TTLL9: variants seen among roughly 807,000 people sequenced by gnomAD.
The protein encoded by TTLL9 is tubulin tyrosine ligase like 9.
Under a neutral mutation model 65.6 loss-of-function variants are expected in TTLL9, and 47 were observed. The ratio of observed to expected loss-of-function variants is 0.72; its 90% CI spans 0.57 to 0.91. The LOEUF (loss-of-function observed/expected upper bound fraction) is 0.91, where lower values mean the gene tolerates loss of function less well. TTLL9 is among the 40% of genes least tolerant of loss of function. The probability of loss-of-function intolerance (pLI) is 0.00; values close to 1 mark genes in which losing one functional copy is unlikely to be tolerated. For missense variants in TTLL9, 537 were observed against 568.8 expected (o/e 0.94, Z 0.57); for synonymous variants, 179 against 204.8 (o/e 0.87, Z 1.07).
Position 31,922,981 on chromosome 20 carries a change from G to A in TTLL9, c.592G>A (p.Asp198Asn), listed in dbSNP as rs376428616. The A allele has an allele frequency of 5.8e-5, 94 of 1,613,732 alleles. No individual in the cohort carries two copies. Among genetic ancestry groups the A allele is most frequent in the Middle Eastern group, 1.7e-4 (1 of 6,058 alleles). Reference protein sequence around the residue: ...DWRKDTRSSDDQKDDIPVENY... With the variant: ...DWRKDTRSSDNQKDDIPVENY... ...CAACTAGGACACAAGAAGCTCTGAC[G>A]ACCAGAAAGATGATATTCCCGTGGA... Residue 198 changes from aspartate (D) to asparagine (N), a missense_variant, in exon 8 of 15, where the codon GAC (aspartate) becomes AAC (asparagine). Asp to Asn is a conservative substitution (Grantham distance 23). Around this residue, in one of 3 missense-constraint regions of TTLL9, gnomAD observed 320 missense variants for 311.0 expected, o/e 1.03. Coordinates refer to ENST00000535842, the MANE Select transcript of TTLL9 (RefSeq NM_001008409.5).
intron 10 of TTLL9, among the ~76,000 whole-genome samples, chr20:31,927,953 C>T (rs2063936944): frequency 6.6e-6 from 1 of 152,090 alleles, no homozygotes; most frequent in Admixed American, 6.5e-5. Context: ...TTCTATTTTG[C>T]CAACGTCAGC....
At chr20:31,877,062 GAGGGTGGGGTT>G (rs2063047145) in intron 2 of TTLL9, among the ~76,000 whole-genome samples, 1 of 152,190 alleles carries the variant, frequency 6.6e-6, no homozygotes, top group Non-Finnish European at 1.5e-5. Context: ...TTGTAGGGGT[GAGGGTGGGGTT>G]ATCTTTTCCT....
intron 6 of TTLL9, among the ~76,000 whole-genome samples, chr20:31,913,383 GGA>G (rs2063685810): frequency 6.6e-6 from 1 of 152,160 alleles, no homozygotes; most frequent in Admixed American, 6.5e-5. Flanking sequence ...CCTTTCAGGA[GGA>G]GAGAGTGTTA....
At chr20:31,886,653 C>G (rs1013985552) in intron 2 of TTLL9, among the ~76,000 whole-genome samples, 2 of 152,166 alleles carry the variant, frequency 1.3e-5, no homozygotes, top group South Asian at 4.1e-4. Flanking sequence ...AACCCCATCT[C>G]TATTAAAAAT....
At chr20:31,941,853 G>T (rs2064216379) in intron 14 of TTLL9, among the ~76,000 whole-genome samples, 1 of 152,182 alleles carries the variant, frequency 6.6e-6, no homozygotes, top group Non-Finnish European at 1.5e-5. Flanking sequence ...GGTTTATGGT[G>T]GTAAACACAA....
chr20:31,940,496 C>G (rs1396042408), intron 14 of TTLL9: 1 of 152,176 alleles, frequency 6.6e-6, no homozygotes, highest in East Asian at 1.9e-4. Context: ...AGGGTGGGGC[C>G]TAAGATTGTA....
intron 4 of TTLL9, among the ~76,000 whole-genome samples, chr20:31,906,183 C>T (rs1005701616): frequency 2.6e-5 from 4 of 152,214 alleles, no homozygotes; most frequent in Admixed American, 1.3e-4. Context: ...GCATTAGGCG[C>T]GGGGCTCCTG....
chr20:31,879,938 A>G, intron 2 of TTLL9: 1 of 1,393,216 alleles, frequency 7.2e-7, no homozygotes, highest in Non-Finnish European at 9.6e-7. Flanking sequence ...TCGTCCCTAG[A>G]AAAAGGGAGG....
intron 2 of TTLL9, chr20:31,879,953 C>A: frequency 1.5e-6 from 2 of 1,301,424 alleles, no homozygotes; most frequent in South Asian, 2.5e-5. Context: ...GGGAGGAAAG[C>A]AGCAGAGGGA....
At chr20:31,901,624 C>T (rs887557733) in intron 4 of TTLL9, among the ~76,000 whole-genome samples, 5 of 152,198 alleles carry the variant, frequency 3.3e-5, no homozygotes, top group Non-Finnish European at 7.3e-5. Context: ...TCTTTCCTTC[C>T]GCCCTGGCTT....
At chr20:31,896,886 G>A (rs1311580754) in intron 3 of TTLL9, among the ~76,000 whole-genome samples, 1 of 152,072 alleles carries the variant, frequency 6.6e-6, no homozygotes. Context: ...AACTCCGCTT[G>A]GTTATGGTGT....
chr20:31,905,328 G>C lies in TTLL9; in HGVS notation c.207-3263G>C, dbSNP rs148737191. ...GACCTCAGGTGATCCACACGCCTCG[G>C]CCTCCCAAAGTGCTAGGATTACACG... On this transcript the variant is annotated intron_variant, in intron 4 of 14. Coordinates refer to ENST00000535842, the MANE Select transcript of TTLL9 (RefSeq NM_001008409.5). Among the ~76,000 whole-genome samples the C allele has an allele frequency of 6.6e-3, 1,010 of 152,102 alleles. 10 individuals are homozygous for C. Among genetic ancestry groups the C allele is most frequent in the African/African-American group, 0.023 (953 of 41,510 alleles).
intron 6 of TTLL9, among the ~76,000 whole-genome samples, chr20:31,914,770 A>AGTCCCCTGTCTCTCAGGAATGG (rs1336118432): frequency 6.6e-6 from 1 of 152,192 alleles, no homozygotes; most frequent in East Asian, 1.9e-4. Flanking sequence ...GGCTGTCAGG[A>AGTCCCCTGTCTCTCAGGAATGG]GTCCCCTGTC....
At chr20:31,931,747 G>A (rs1379421617) in intron 10 of TTLL9, among the ~76,000 whole-genome samples, 1 of 152,168 alleles carries the variant, frequency 6.6e-6, no homozygotes, top group Non-Finnish European at 1.5e-5. Flanking sequence ...ACTTTTTATT[G>A]TTGAGTTATA....
intron 13 of TTLL9, among the ~76,000 whole-genome samples, chr20:31,938,606 G>A (rs1478710383): frequency 1.3e-5 from 2 of 152,180 alleles, no homozygotes; most frequent in Non-Finnish European, 2.9e-5. Flanking sequence ...GGCCGGGGGT[G>A]GTGGCTCACG....
rs1568752759 is a variant in TTLL9 at position 31,890,086 on chromosome 20, T to TTC, written c.113+2847_113+2848insTC. Among the ~76,000 whole-genome samples the TTC allele has an allele frequency of 4.7e-3, 630 of 132,742 alleles. 25 individuals are homozygous for TTC. The highest frequency in any genetic ancestry group is 0.017 in the African/African-American group (565 of 33,040). 87.1% of individuals were successfully genotyped at this position (132,742 alleles called of 152,430 possible). A position where few individuals can be genotyped will look rare whatever the true frequency, so the allele number is the denominator to read the frequency against. ...TTTCTTTCTTGCTTTCTTGCTTTCTTGCTTTCTTTCCCTCCCTTCCTTCCT... is the reference window on the plus strand; with the variant it reads ...TTTCTTTCTTGCTTTCTTGCTTTCTTTCGCTTTCTTTCCCTCCCTTCCTTCCT... On this transcript the variant is annotated intron_variant, in intron 3 of 14. Transcript: ENST00000535842.
intron 2 of TTLL9, chr20:31,872,897 G>C (rs73903669): frequency 0.073 from 33,459 of 455,234 alleles, 1,776 homozygotes; most frequent in African/African-American, 0.16. Context: ...CCATGATTGG[G>C]AGTTAAAGTT....
In TTLL9 at chr20:31,873,164, G is replaced by T. The variant is rs80156554; in HGVS notation, c.69+1969G>T. The T allele has an allele frequency of 1.1e-3, 413 of 389,618 alleles. 5 individuals are homozygous for T. The East Asian group carries it at 0.015, about 14-fold the overall frequency. The allele number at this position is 389,618 out of a possible 1,614,324, so 24.1% of individuals were successfully genotyped here. A position where few individuals can be genotyped will look rare whatever the true frequency, so the allele number is the denominator to read the frequency against. On this transcript the variant is annotated intron_variant, in intron 2 of 14. Transcript: ENST00000535842. ...AAGGACTTGCAGATTGACTGGATGT[G>T]GGGGGAAGGAAGGAATTTTAGGATG... is the stretch of plus-strand genomic sequence containing the variant.
At chr20:31,887,821 T>C (rs2123417017) in intron 3 of TTLL9, among the ~76,000 whole-genome samples, 1 of 140,438 alleles carries the variant, frequency 7.1e-6, no homozygotes, top group East Asian at 2.1e-4. Context: ...ATGTTTTAGA[T>C]AGTTTATTCT....
Sources: gnomAD v4.1 joint callset for allele counts (sites outside exome capture counted in the v4.1 genomes callset) on GRCh38, gnomAD v4.1.1 for gene constraint, gnomAD v4.1.1 regional missense constraint, MANE v1.5 for transcripts, NCBI Gene and HGNC (gene_info 2026-07-23, HGNC 2026-07-21) for gene names.